Variants in CCDC144A observed in about 807,000 individuals in gnomAD.
CCDC144A encodes the protein coiled-coil domain containing 144A.
CCDC144A carries 41 observed loss-of-function variants against 143.8 expected under a neutral mutation model. That is an observed-to-expected ratio of 0.29 (90% CI 0.22 to 0.37). The LOEUF (loss-of-function observed/expected upper bound fraction) is 0.37. Among genes scored for constraint, CCDC144A ranks in the 10% least tolerant of loss-of-function variants. The probability of loss-of-function intolerance (pLI) is 1.00; values close to 1 mark genes in which losing one functional copy is unlikely to be tolerated. For synonymous variants in CCDC144A, 242 were observed against 517.9 expected, an observed-to-expected ratio of 0.47 and a Z score of 7.23; for missense variants, 637 against 1,488.8, an observed-to-expected ratio of 0.43 and a Z score of 9.41.
chr17:16,736,235 C>CTTT (rs71214289), intron 12 of CCDC144A, among the ~76,000 whole-genome samples: 28 of 98,192 alleles, frequency 2.9e-4, no homozygotes, highest in Non-Finnish European at 4.6e-4. Flanking sequence ...AAGGCATTTA[C>CTTT]TTTTTTTTTT....
chr17:16,756,178 T>C (rs2036175796), intron 12 of CCDC144A, among the ~76,000 whole-genome samples: 1 of 152,262 alleles, frequency 6.6e-6, no homozygotes, highest in Admixed American at 6.5e-5. Context: ...TCAGCTATTA[T>C]TTCATTAGAT....
chr17:16,737,141 GTA>G (rs1567600543), intron 12 of CCDC144A, among the ~76,000 whole-genome samples: 1 of 143,288 alleles, frequency 7.0e-6, no homozygotes, highest in Non-Finnish European at 1.5e-5. Context: ...GTTTTTCAAA[GTA>G]TATGAGTTAG....
intron 8 of CCDC144A, among the ~76,000 whole-genome samples, chr17:16,723,329 TA>T (rs1386712909): frequency 1.3e-5 from 2 of 152,086 alleles, no homozygotes; most frequent in African/African-American, 2.4e-5. Flanking sequence ...GTAGAATCTA[TA>T]AAAATGTCAT....
intron 2 of CCDC144A, among the ~76,000 whole-genome samples, chr17:16,703,547 GTAA>G (rs1356732820): frequency 6.6e-6 from 1 of 152,202 alleles, no homozygotes; most frequent in African/African-American, 2.4e-5. Flanking sequence ...GCTAACGCCT[GTAA>G]TGCCAGCACT....
intron 13 of CCDC144A, 108 bp from the exon 14 acceptor site, chr17:16,762,205 A>T: frequency 6.6e-7 from 1 of 1,504,218 alleles, no homozygotes; most frequent in South Asian, 1.3e-5. Flanking sequence ...TGAATCACGT[A>T]CTTAAAATTG....
chr17:16,746,250 T>A (rs889044664), intron 12 of CCDC144A: 3 of 1,328,058 alleles, frequency 2.3e-6, no homozygotes, highest in Non-Finnish European at 3.1e-6. Context: ...AATTTTCTTC[T>A]GTTTATCTGT....
chr17:16,767,348 G>A (rs1188792696), intron 15 of CCDC144A: 1 of 152,178 alleles, frequency 6.6e-6, no homozygotes, highest in African/African-American at 2.4e-5. Flanking sequence ...TCACACCTTG[G>A]AAGAGTTCTT....
At chr17:16,729,262 A>C (rs1913589919) in intron 9 of CCDC144A, among the ~76,000 whole-genome samples, 1 of 151,978 alleles carries the variant, frequency 6.6e-6, no homozygotes, top group African/African-American at 2.4e-5. Context: ...TTGTTTTTTG[A>C]CTTTTTAATA....
At chr17:16,722,043 T>A in intron 8 of CCDC144A, among the ~76,000 whole-genome samples, 1 of 152,200 alleles carries the variant, frequency 6.6e-6, no homozygotes, top group East Asian at 1.9e-4. Flanking sequence ...GCATTCAGTT[T>A]TTCATCATGA....
intron 12 of CCDC144A, among the ~76,000 whole-genome samples, chr17:16,755,756 T>C (rs1327899409): frequency 6.6e-6 from 1 of 152,228 alleles, no homozygotes; most frequent in Non-Finnish European, 1.5e-5. Flanking sequence ...AGACAGGGTT[T>C]TGCCAAATTG....
At chr17:16,738,894 T>C (rs1205726526) in intron 12 of CCDC144A, among the ~76,000 whole-genome samples, 2 of 152,076 alleles carry the variant, frequency 1.3e-5, no homozygotes, top group Non-Finnish European at 2.9e-5. Flanking sequence ...GGTTGCACCA[T>C]TTTACGTTCC....
chr17:16,745,926 G>A, intron 12 of CCDC144A: 1 of 1,603,436 alleles, frequency 6.2e-7, no homozygotes, highest in Non-Finnish European at 8.5e-7. Context: ...ACTCCTTCTG[G>A]AAAGCCGGTC....
At chr17:16,708,001 T>G (rs995382253) in intron 4 of CCDC144A, among the ~76,000 whole-genome samples, 2 of 152,116 alleles carry the variant, frequency 1.3e-5, no homozygotes, top group Non-Finnish European at 2.9e-5. Flanking sequence ...TTTCATTGAC[T>G]TCACGGTCTA....
Position 16,773,527 on chromosome 17 carries a change from T to C in CCDC144A, c.4172T>C (p.Ile1391Thr), listed in dbSNP as rs1395458487. 4 of 1,545,942 alleles carry C rather than the reference T, an allele frequency of 2.6e-6. No individual in the cohort carries two copies. Among genetic ancestry groups the C allele is most frequent in the Admixed American group, 2.0e-5 (1 of 50,150 alleles). Residue 1391 changes from isoleucine (I) to threonine (T), a missense_variant, in exon 17 of 17, where the codon ATA (isoleucine) becomes ACA (threonine). Coordinates refer to ENST00000399273, the MANE Select transcript of CCDC144A (RefSeq NM_001382000.1). The part of the protein sequence containing the change: ...AATKYEPGSY[I>T]ASPLGFTHKE... ...ACTAAATATGAACCTGGATCCTATATAGCTTCTCCTCTAGGATTTACACAC... is the reference window on the plus strand; with the variant it reads ...ACTAAATATGAACCTGGATCCTATACAGCTTCTCCTCTAGGATTTACACAC...
the CCDC144A span, among the ~76,000 whole-genome samples, chr17:16,669,762 A>G: frequency 2.6e-5 from 4 of 152,228 alleles, no homozygotes; most frequent in Admixed American, 2.6e-4. Context: ...AATTCACAGA[A>G]GCCTCACATG....
At chr17:16,750,408 C>A (rs1052519122) in intron 12 of CCDC144A, among the ~76,000 whole-genome samples, 1 of 147,716 alleles carries the variant, frequency 6.8e-6, no homozygotes, top group Non-Finnish European at 1.5e-5. Context: ...TGACAACAGG[C>A]CCCACTTTCT....
At chr17:16,741,870 A>G (rs1196751474) in intron 12 of CCDC144A, among the ~76,000 whole-genome samples, 1 of 152,068 alleles carries the variant, frequency 6.6e-6, no homozygotes, top group Non-Finnish European at 1.5e-5. Context: ...CATCACCTCA[A>G]ACATTTACCA....
At chr17:16,751,827 G>A (rs879293142) in intron 12 of CCDC144A, among the ~76,000 whole-genome samples, 10 of 152,208 alleles carry the variant, frequency 6.6e-5, no homozygotes, top group Admixed American at 3.3e-4. Flanking sequence ...TGCAGCCCAG[G>A]GTTTTTTGCC....
intron 8 of CCDC144A, among the ~76,000 whole-genome samples, chr17:16,722,115 T>G (rs890776589): frequency 3.9e-5 from 6 of 152,178 alleles, no homozygotes; most frequent in African/African-American, 1.4e-4. Context: ...TTCCCTTGTA[T>G]TCTTTGGTTA....
Sources: allele counts gnomAD v4.1 joint callset (sites outside exome capture counted in the v4.1 genomes callset), GRCh38; gene constraint gnomAD v4.1.1; transcripts MANE v1.5; gene names NCBI Gene and HGNC (gene_info 2026-07-23, HGNC 2026-07-21).